Variants in CACNA2D3 observed in about 807,000 individuals in gnomAD.
CACNA2D3 encodes calcium voltage-gated channel auxiliary subunit alpha2delta 3, also known as voltage-dependent calcium channel subunit alpha-2/delta-3.
A neutral mutation model predicts 160.6 loss-of-function variants in CACNA2D3; 60 were observed. The observed-to-expected ratio is 0.37, with a 90% confidence interval of 0.30 to 0.46. The LOEUF (loss-of-function observed/expected upper bound fraction) is 0.46. CACNA2D3 is among the 20% of genes least tolerant of loss of function. The pLI, the probability that CACNA2D3 is intolerant of heterozygous loss-of-function variation, is 1.00. For missense variants in CACNA2D3, 1,205 were observed against 1,365.0 expected, an observed-to-expected ratio of 0.88 and a Z score of 1.85; for synonymous variants, 558 against 492.9, an observed-to-expected ratio of 1.13 and a Z score of -1.75.
At chr3:54,375,480 T>C (rs776326654) in intron 3 of CACNA2D3, among the ~76,000 whole-genome samples, 1 of 152,068 alleles carries the variant, frequency 6.6e-6, no homozygotes, top group Non-Finnish European at 1.5e-5. Context: ...GAGGAGTCAT[T>C]TGAGCTGCAG....
At chr3:54,953,093 T>C (rs1701798218) in intron 27 of CACNA2D3, among the ~76,000 whole-genome samples, 1 of 152,220 alleles carries the variant, frequency 6.6e-6, no homozygotes, top group African/African-American at 2.4e-5. Context: ...ATGCATGTAT[T>C]TAATGTACAT....
intron 24 of CACNA2D3, among the ~76,000 whole-genome samples, chr3:54,890,444 C>G (rs917485160): frequency 1.4e-5 from 2 of 139,182 alleles, no homozygotes; most frequent in Non-Finnish European, 3.0e-5. Flanking sequence ...TGCAGTGAGC[C>G]GAGATAGCGC....
At chr3:54,582,484 A>G (rs2106740884) in intron 9 of CACNA2D3, among the ~76,000 whole-genome samples, 1 of 152,342 alleles carries the variant, frequency 6.6e-6, no homozygotes, top group Non-Finnish European at 1.5e-5. Context: ...TGTAAAATAA[A>G]TCCTGTTTCC....
chr3:54,939,459 C>A (rs1575392797), intron 27 of CACNA2D3, among the ~76,000 whole-genome samples: 1 of 152,178 alleles, frequency 6.6e-6, no homozygotes, highest in African/African-American at 2.4e-5. Context: ...AAAAGAAGGG[C>A]CAAGACATTC....
chr3:54,970,716 A>G (rs1029253644), intron 29 of CACNA2D3, among the ~76,000 whole-genome samples: 2 of 149,530 alleles, frequency 1.3e-5, no homozygotes, highest in Non-Finnish European at 3.0e-5. Context: ...CCACTACCCA[A>G]AGTGTTTCCA....
intron 29 of CACNA2D3, among the ~76,000 whole-genome samples, chr3:54,978,833 A>T (rs1473280143): frequency 1.2e-4 from 19 of 152,194 alleles, no homozygotes; most frequent in Admixed American, 1.2e-3. Flanking sequence ...AATTACAGAA[A>T]AAAACCTTAA....
intron 11 of CACNA2D3, among the ~76,000 whole-genome samples, chr3:54,658,772 T>TC (rs371519037): frequency 5.3e-5 from 8 of 151,056 alleles, no homozygotes; most frequent in Non-Finnish European, 1.0e-4. Context: ...GTACCAAAGA[T>TC]CCCCCCAAAC....
intron 2 of CACNA2D3, among the ~76,000 whole-genome samples, chr3:54,168,516 A>G (rs1043101751): frequency 2.0e-5 from 3 of 152,180 alleles, no homozygotes; most frequent in Non-Finnish European, 4.4e-5. Context: ...TTCACCTCCC[A>G]TGATGCTGTG....
chr3:54,255,140 C>G (rs530437836), intron 2 of CACNA2D3, among the ~76,000 whole-genome samples: 1 of 152,192 alleles, frequency 6.6e-6, no homozygotes, highest in Non-Finnish European at 1.5e-5. Flanking sequence ...TGATTTCCCT[C>G]TTTTAAAAAT....
chr3:54,881,603 G>A (rs1699797501), intron 21 of CACNA2D3, among the ~76,000 whole-genome samples: 1 of 152,128 alleles, frequency 6.6e-6, no homozygotes, highest in Non-Finnish European at 1.5e-5. Flanking sequence ...CAGGGGTGGT[G>A]GACATTGTTT....
chr3:54,713,805 T>C (rs1700998973), intron 11 of CACNA2D3, among the ~76,000 whole-genome samples: 3 of 152,382 alleles, frequency 2.0e-5, no homozygotes, highest in East Asian at 1.9e-4. Context: ...TCTGTAGCCT[T>C]AGAGTATTAT....
At position 54,736,109 on chromosome 3, in the gene CACNA2D3, GTATATATATACATATATA is replaced by G. The variant is rs1186522950; in HGVS notation, c.1168-16486_1168-16469del. Among the ~76,000 whole-genome samples the G allele has an allele frequency of 2.6e-3, 53 of 20,078 alleles. 4 individuals carry two copies. The highest frequency in any genetic ancestry group is 7.5e-3 in the African/African-American group (50 of 6,686). The allele number at this position is 20,078 out of a possible 152,430, so 13.2% of individuals were successfully genotyped here. Reference sequence around the variant, plus strand: ...TATGTGTATATATATACATATATATGTATATATATACATATATATATGTATATATATACACACACACAC... The same window carrying G: ...TATGTGTATATATATACATATATATGTATGTATATATATACACACACACAC... On this transcript the variant is annotated intron_variant, in intron 11 of 37. Transcript: ENST00000474759.
intron 5 of CACNA2D3, among the ~76,000 whole-genome samples, chr3:54,511,162 C>G (rs538106304): frequency 9.2e-5 from 14 of 152,340 alleles, no homozygotes; most frequent in Admixed American, 5.9e-4. Context: ...TTCCTGAGAG[C>G]CTGGCTCCAT....
At chr3:54,402,113 C>T (rs971954924) in intron 4 of CACNA2D3, among the ~76,000 whole-genome samples, 1 of 151,810 alleles carries the variant, frequency 6.6e-6, no homozygotes, top group Non-Finnish European at 1.5e-5. Context: ...CACTACAAAG[C>T]AAAACCTATA....
chr3:54,238,339 G>A (rs1030003007), intron 2 of CACNA2D3, among the ~76,000 whole-genome samples: 1 of 152,170 alleles, frequency 6.6e-6, no homozygotes, highest in Non-Finnish European at 1.5e-5. Context: ...TATTAAGGAG[G>A]CAGAAGCAAA....
intron 11 of CACNA2D3, among the ~76,000 whole-genome samples, chr3:54,666,203 A>G (rs1025655355): frequency 5.9e-5 from 9 of 152,222 alleles, no homozygotes; most frequent in Non-Finnish European, 1.0e-4. Flanking sequence ...TTAGTTTCTC[A>G]ACAGACAACT....
chr3:54,187,540 C>T (rs1034037338), intron 2 of CACNA2D3, among the ~76,000 whole-genome samples: 3 of 152,150 alleles, frequency 2.0e-5, no homozygotes, highest in African/African-American at 4.8e-5. Context: ...AGGAAGGCAT[C>T]GCTAGTTGTC....
At chr3:54,867,262 T>C (rs34364180) in intron 17 of CACNA2D3, among the ~76,000 whole-genome samples, 4,726 of 152,144 alleles carry the variant, frequency 0.031, 139 homozygotes, top group South Asian at 0.1. Context: ...TTAGTTCTTT[T>C]TCTGTCACTC....
At chr3:54,837,689 C>A (rs1032199561) in intron 15 of CACNA2D3, among the ~76,000 whole-genome samples, 2 of 152,162 alleles carry the variant, frequency 1.3e-5, no homozygotes, top group African/African-American at 2.4e-5. Flanking sequence ...GGAAGAATTT[C>A]TCCTTGCCTC....
Sources: gnomAD v4.1 joint callset for allele counts (sites outside exome capture counted in the v4.1 genomes callset) on GRCh38, gnomAD v4.1.1 for gene constraint, MANE v1.5 for transcripts, NCBI Gene and HGNC (gene_info 2026-07-23, HGNC 2026-07-21) for gene names.